OTOF: variants seen among roughly 807,000 people sequenced by gnomAD.
OTOF encodes the protein fer-1-like family member 2.
Under a neutral mutation model 236.8 loss-of-function variants are expected in OTOF, and 218 were observed. The ratio of observed to expected loss-of-function variants is 0.92; its 90% confidence interval spans 0.82 to 1.03. OTOF has a LOEUF of 1.03. Among genes scored for constraint, OTOF ranks in the 50% least tolerant of loss-of-function variants. OTOF has a pLI of 0.00. For synonymous variants in OTOF, 1,041 were observed against 1,072.5 expected, an observed-to-expected ratio of 0.97 and a Z score of 0.57; for missense variants, 2,590 against 2,694.4, an observed-to-expected ratio of 0.96 and a Z score of 0.86.
In OTOF at chr2:26,472,275, A is replaced by G. The variant is rs6743467; in HGVS notation, c.3864+244T>C. 0.39 allele frequency: 215,809 copies of G among 557,280 alleles called. 43,009 individuals carry two copies. The highest frequency in any genetic ancestry group is 0.47 in the South Asian group (24,847 of 53,392). 34.5% of individuals were successfully genotyped at this position (557,280 alleles called of 1,614,324 possible). The stretch of plus-strand genomic sequence containing the variant: ...CACATGCATGCACACACACATGCAC[A>G]TATGCACACCACACACATGCGCACA... On this transcript the variant is annotated intron_variant, in intron 30 of 46. Transcript: ENST00000272371.
At chr2:26,516,634 T>C (rs1478737204) in intron 4 of OTOF, 35 bp from the exon 5 acceptor site, 1 of 1,597,444 alleles carries the variant, frequency 6.3e-7, no homozygotes, top group African/African-American at 1.3e-5. Flanking sequence ...GCAGCTGGGA[T>C]GGTGACAGCA....
In OTOF at chr2:26,463,985, G is replaced by A. The variant is rs374948204; in HGVS notation, c.5082C>T (p.Pro1694=). 3.4e-5 allele frequency: 55 copies of A among 1,613,702 alleles called. No homozygotes were observed. Among genetic ancestry groups the A allele is most frequent in the South Asian group, 1.2e-4 (11 of 91,096 alleles). ...TCACCTGCTCGATGCCCGGCTTGTC[G>A]GGGTTGAGCAGCGGCCTCGTCTCCA... ...EHVETRPLLN[P]DKPGIEQGRL... is the part of the protein sequence containing the mutation. The change falls in exon 40 of 47, where the codon CCC becomes CCT. Residue 1694 remains proline (P), a synonymous_variant. Coordinates refer to ENST00000272371, the MANE Select transcript of OTOF (RefSeq NM_194248.3).
Position 26,468,473 on chromosome 2 carries a change from T to A in OTOF, c.4025A>T (p.Gln1342Leu). ...TCCAGAGGGCTCTTGTTGTCGAAGT[T>A]GCTGCCAAAAGATGAGATGAAAAGG... is the stretch of plus-strand genomic sequence containing the variant. ...YFASIDTMKE[Q>L]LRQQEPSGID... The change falls in exon 33 of 47, where the codon CAA becomes CTA. Residue 1342 changes from glutamine to leucine, a missense_variant and splice_region_variant. Around this residue, in one of 2 missense-constraint regions of OTOF, gnomAD observed 1,211 missense variants for 1,352.8 expected, o/e 0.90. Coordinates refer to ENST00000272371, the MANE Select transcript of OTOF (RefSeq NM_194248.3). 6.2e-7 allele frequency: 1 copy of A among 1,613,892 alleles called. No individual in the cohort carries two copies. Among genetic ancestry groups the A allele is most frequent in the Non-Finnish European group, 8.5e-7 (1 of 1,179,822 alleles).
chr2:26,537,097 T>C (rs930398059), intron 2 of OTOF, among the ~76,000 whole-genome samples: 1 of 152,190 alleles, frequency 6.6e-6, no homozygotes, highest in African/African-American at 2.4e-5. Flanking sequence ...GGAGTGAGGA[T>C]TGAGAAAAAT....
chr2:26,483,526 G>A lies in OTOF; in HGVS notation c.1328C>T (p.Ala443Val), dbSNP rs184754106. ...NTSLMANVKKAFIGENKDLVD... is the reference protein window; with the variant it reads ...NTSLMANVKKVFIGENKDLVD... ...GAGGTCCTTGTTTTCACCGATGAAA[G>A]CCTTCTTTACATTGGCCATGAGGCT... is the stretch of plus-strand genomic sequence containing the variant. The change falls in exon 13 of 47, where the codon GCT becomes GTT. Residue 443 changes from alanine (A) to valine (V), a missense_variant. Transcript: ENST00000272371. 2.5e-6 allele frequency: 4 copies of A among 1,614,014 alleles called. No individual in the cohort carries two copies. In the Admixed American group the frequency reaches 6.7e-5, roughly 27 times the overall value.
intron 3 of OTOF, among the ~76,000 whole-genome samples, chr2:26,522,195 C>T (rs1379152172): frequency 6.6e-6 from 1 of 152,226 alleles, no homozygotes; most frequent in African/African-American, 2.4e-5. Flanking sequence ...GTTCACCCCC[C>T]AACCTCTCTC....
In OTOF at chr2:26,460,297, C is replaced by T; in HGVS notation, c.5814-92G>A. On this transcript the variant is annotated intron_variant, in intron 45 of 46. Transcript: ENST00000272371. The surrounding 1 kb of genome is among the most constrained non-coding windows in gnomAD (Gnocchi z 5.3). The stretch of plus-strand genomic sequence containing the variant: ...GGCCAAGACCAAGAGGGAAGCTGTC[C>T]TGGGCTGTGTGTGCAGTTCTAGGCA... 1 of 1,085,838 alleles carries T rather than the reference C, an allele frequency of 9.2e-7. No individual in the cohort carries two copies. Among genetic ancestry groups the T allele is most frequent in the Non-Finnish European group, 1.4e-6 (1 of 727,178 alleles). 67.3% of individuals were successfully genotyped at this position (1,085,838 alleles called of 1,614,324 possible). A position where few individuals can be genotyped will look rare whatever the true frequency, so the allele number is the denominator to read the frequency against.
intron 11 of OTOF, among the ~76,000 whole-genome samples, chr2:26,486,560 T>C (rs1001488243): frequency 6.6e-6 from 1 of 152,194 alleles, no homozygotes; most frequent in Non-Finnish European, 1.5e-5. Context: ...AAATTTACCT[T>C]CAAATTTAAA....
In OTOF at chr2:26,457,882, A is replaced by G. The variant is rs1664260050; in HGVS notation, c.*356T>C. On this transcript the variant is annotated 3_prime_UTR_variant, in exon 47 of 47. Transcript: ENST00000272371. This position sits in a 1 kb window ranked among gnomAD's most constrained non-coding sequence, Gnocchi z 4.4. ...GGGCAAGCCGCAGCCTGGGGCAGTG[A>G]GGACAGGCGGCCCCCGCAAGCAGGA... The G allele has an allele frequency of 4.1e-6, 3 of 730,064 alleles. No individual in the cohort carries two copies. The highest frequency in any genetic ancestry group is 6.9e-6 in the Non-Finnish European group (3 of 437,738). 45.2% of individuals were successfully genotyped at this position (730,064 alleles called of 1,614,324 possible).
In OTOF at chr2:26,470,343, C is replaced by T. The variant is rs190395010; in HGVS notation, c.4023+250G>A. 2.1e-4 allele frequency among the ~76,000 whole-genome samples: 32 copies of T among 152,154 alleles called. No individual in the cohort carries two copies. The highest frequency in any genetic ancestry group is 6.5e-4 in the African/African-American group (27 of 41,498). On this transcript the variant is annotated intron_variant, in intron 32 of 46. Transcript: ENST00000272371. This position sits in a 1 kb window ranked among gnomAD's most constrained non-coding sequence, Gnocchi z 4.3. Reference sequence around the variant, plus strand: ...GCACCTAGTATGGAGCCTGGCTCATCGCATATACCCAAGAGGCATTTGTGG... The same window carrying T: ...GCACCTAGTATGGAGCCTGGCTCATTGCATATACCCAAGAGGCATTTGTGG...
intron 39 of OTOF, 101 bp from the exon 40 acceptor site, chr2:26,464,207 C>A: frequency 7.2e-7 from 1 of 1,396,930 alleles, no homozygotes; most frequent in East Asian, 2.3e-5. Context: ...TCTATGCCAT[C>A]ACCTGTCTAC....
rs1337109046 is a variant in OTOF, at chr2:26,473,535, C to A, written c.3441G>T (p.Arg1147=). Residue 1147 remains arginine, a synonymous_variant, in exon 28 of 47, where the codon CGG becomes CGT. Coordinates refer to ENST00000272371, the MANE Select transcript of OTOF (RefSeq NM_194248.3). The surrounding 1 kb of genome is among the most constrained non-coding windows in gnomAD (Gnocchi z 7.2). ...GCCGGTCCACCTGGGCCAGGTTCAC[C>A]CGCTTTAGGTCCCGTAGGCCCCAGA... is the stretch of plus-strand genomic sequence containing the variant. ...VLFWGLRDLK[R]VNLAQVDRPR... is the part of the protein sequence containing the mutation. The A allele has an allele frequency of 2.5e-6, 4 of 1,611,184 alleles. No individual in the cohort carries two copies. Among genetic ancestry groups the A allele is most frequent in the Non-Finnish European group, 2.5e-6 (3 of 1,179,632 alleles).
In OTOF at chr2:26,514,800, A is replaced by G. The variant is rs527756711; in HGVS notation, c.509+1618T>C. On this transcript the variant is annotated intron_variant, in intron 5 of 46. Transcript: ENST00000272371. Reference sequence around the variant, plus strand: ...TGGGGTCAGCATTCCTTTCCCTGTGACTGATGGCCCTTGTGTGGCTTCCGA... The same window carrying G: ...TGGGGTCAGCATTCCTTTCCCTGTGGCTGATGGCCCTTGTGTGGCTTCCGA... 2.6e-5 allele frequency among the ~76,000 whole-genome samples: 4 copies of G among 152,050 alleles called. No individual in the cohort carries two copies. The South Asian group carries it at 8.3e-4, about 32-fold the overall frequency.
chr2:26,512,720 C>T (rs1245429792), intron 5 of OTOF, among the ~76,000 whole-genome samples: 1 of 152,210 alleles, frequency 6.6e-6, no homozygotes, highest in Non-Finnish European at 1.5e-5. Context: ...GGTGCTTGGA[C>T]AGCACCTGAA....
At position 26,477,580 on chromosome 2, in the gene OTOF, G is replaced by T; in HGVS notation, c.2315+69C>A. The T allele has an allele frequency of 6.2e-7, 1 of 1,601,054 alleles. No individual in the cohort carries two copies. Among genetic ancestry groups the T allele is most frequent in the Non-Finnish European group, 8.5e-7 (1 of 1,172,200 alleles). On this transcript the variant is annotated intron_variant, in intron 19 of 46. Coordinates refer to ENST00000272371, the MANE Select transcript of OTOF (RefSeq NM_194248.3). The surrounding 1 kb of genome is among the most constrained non-coding windows in gnomAD (Gnocchi z 4.7). Reference sequence around the variant, plus strand: ...CTGTAGATTCTTCCTCATCTGCCCAGCCCTGGCAGGGTCCCCTTTGTCCAG... The same window carrying T: ...CTGTAGATTCTTCCTCATCTGCCCATCCCTGGCAGGGTCCCCTTTGTCCAG...
intron 5 of OTOF, 109 bp downstream of exon 5, chr2:26,516,309 G>A (rs1231696216): frequency 7.8e-6 from 8 of 1,022,808 alleles, no homozygotes; most frequent in Non-Finnish European, 1.2e-5. Context: ...GCTCAGCCCT[G>A]TACTCTGAGC....
intron 1 of OTOF, among the ~76,000 whole-genome samples, chr2:26,549,873 T>C (rs1463987254): frequency 6.6e-6 from 1 of 152,206 alleles, no homozygotes; most frequent in African/African-American, 2.4e-5. Flanking sequence ...TATTTGTCTT[T>C]GAGCCTTGGA....
chr2:26,544,363 C>G (rs1302347053), intron 1 of OTOF, among the ~76,000 whole-genome samples: 1 of 152,154 alleles, frequency 6.6e-6, no homozygotes, highest in African/African-American at 2.4e-5. Flanking sequence ...CCTTAGTAAC[C>G]AGTGCTCTGA....
intron 2 of OTOF, among the ~76,000 whole-genome samples, chr2:26,529,432 C>T (rs533569375): frequency 1.2e-4 from 18 of 152,320 alleles, no homozygotes; most frequent in Non-Finnish European, 2.1e-4. Context: ...CATATTCATT[C>T]ATTTAGTCTT....
Sources: allele counts gnomAD v4.1 joint callset (sites outside exome capture counted in the v4.1 genomes callset), GRCh38; gene constraint gnomAD v4.1.1; regional missense constraint gnomAD v4.1.1; non-coding constraint Gnocchi (gnomAD v3.1); transcripts MANE v1.5; gene names NCBI Gene and HGNC (gene_info 2026-07-23, HGNC 2026-07-21).